The following HIBCH variants were observed in gnomAD, a reference collection of about 807,000 sequenced individuals.
The protein encoded by HIBCH is 3-hydroxyisobutyryl-CoA hydrolase, mitochondrial.
A neutral mutation model predicts 58.2 loss-of-function variants in HIBCH; 50 were observed. That is an observed-to-expected ratio of 0.86 (90% CI 0.68 to 1.09). HIBCH has a LOEUF of 1.09. HIBCH is among the 50% of genes least tolerant of loss of function. The pLI, the probability that HIBCH is intolerant of heterozygous loss-of-function variation, is 0.00. For synonymous variants in HIBCH, 151 were observed against 146.9 expected, an observed-to-expected ratio of 1.03 and a Z score of -0.20; for missense variants, 450 against 449.7, an observed-to-expected ratio of 1.00 and a Z score of -0.01.
rs1690578878 is a variant in HIBCH at position 190,214,161 on chromosome 2, A to G, written c.892-1086T>C. 6.6e-6 allele frequency: 1 copy of G among 152,264 alleles called. No homozygotes were observed. The highest frequency in any genetic ancestry group is 1.5e-5 in the Non-Finnish European group (1 of 68,122). 9.4% of individuals were successfully genotyped at this position (152,264 alleles called of 1,614,324 possible). A position where few individuals can be genotyped will look rare whatever the true frequency, so the allele number is the denominator to read the frequency against. On this transcript the variant is annotated intron_variant, in intron 11 of 13. Transcript: ENST00000359678. This position sits in a 1 kb window ranked among gnomAD's most constrained non-coding sequence, Gnocchi z 5.5. ...CAGACAAACCCAAGTCTTGTTCAGGAGACAGCGGAGGTGACACAAGGAGAA... is the reference window on the plus strand; with the variant it reads ...CAGACAAACCCAAGTCTTGTTCAGGGGACAGCGGAGGTGACACAAGGAGAA...
At chr2:190,259,705 T>C (rs291414) in intron 7 of HIBCH, among the ~76,000 whole-genome samples, 41,969 of 152,144 alleles carry the variant, frequency 0.28, 6,279 homozygotes, top group East Asian at 0.45. Context: ...TTTTATATCC[T>C]ACAGCTTTAC....
intron 11 of HIBCH, among the ~76,000 whole-genome samples, chr2:190,222,709 G>T (rs879856547): frequency 1.3e-5 from 2 of 152,214 alleles, no homozygotes; most frequent in African/African-American, 2.4e-5. Context: ...GGAAGACAGT[G>T]TGGTGATTCT....
rs551827300 is a variant in HIBCH, at chr2:190,259,221, A to T, written c.517+1935T>A. ...TCACTTTGGGTAGTAAGAACATTTT[A>T]AAAATATTCTTCCAATCCATGAACA... On this transcript the variant is annotated intron_variant, in intron 7 of 13. Coordinates refer to ENST00000359678, the MANE Select transcript of HIBCH (RefSeq NM_014362.4). 1.2e-4 allele frequency among the ~76,000 whole-genome samples: 19 copies of T among 152,262 alleles called. No individual in the cohort carries two copies. The East Asian group carries it at 3.1e-3, about 25-fold the overall frequency.
chr2:190,276,339 A>G (rs1443316266), intron 6 of HIBCH, among the ~76,000 whole-genome samples: 1 of 152,190 alleles, frequency 6.6e-6, no homozygotes, highest in African/African-American at 2.4e-5. Context: ...TCAATGGGAA[A>G]TTATTAGGCA....
chr2:190,209,062 A>ACT lies in HIBCH; in HGVS notation c.1012-151_1012-150dup. ...GAGACTGAACCACCTCTGATAGCCC[A>ACT]CTCTCTGATCACCACCTCCTAAATC... is the stretch of plus-strand genomic sequence containing the variant. On this transcript the variant is annotated intron_variant, in intron 12 of 13. Transcript: ENST00000359678. This position sits in a 1 kb window ranked among gnomAD's most constrained non-coding sequence, Gnocchi z 5.6. 1.4e-6 allele frequency: 1 copy of ACT among 715,318 alleles called. No homozygotes were observed. 44.3% of individuals were successfully genotyped at this position (715,318 alleles called of 1,614,324 possible). A position where few individuals can be genotyped will look rare whatever the true frequency, so the allele number is the denominator to read the frequency against.
chr2:190,204,962 A>G lies in HIBCH; in HGVS notation c.*155T>C. On this transcript the variant is annotated 3_prime_UTR_variant, in exon 14 of 14. Transcript: ENST00000359678. Reference sequence around the variant, plus strand: ...AATTCTGATAATTTTCACGTCATGAATTATTAGTCTTTGATTTCTTTTCCC... The same window carrying G: ...AATTCTGATAATTTTCACGTCATGAGTTATTAGTCTTTGATTTCTTTTCCC... 1.5e-6 allele frequency: 1 copy of G among 652,078 alleles called. No individual in the cohort carries two copies. Among genetic ancestry groups the G allele is most frequent in the Non-Finnish European group, 2.8e-6 (1 of 360,956 alleles). The allele number at this position is 652,078 out of a possible 1,614,324, so 40.4% of individuals were successfully genotyped here.
In HIBCH at chr2:190,209,048, A is replaced by C; in HGVS notation, c.1012-135T>G. ...AACCATGACATTCAGAGACTGAACCACCTCTGATAGCCCACTCTCTGATCA... is the reference window on the plus strand; with the variant it reads ...AACCATGACATTCAGAGACTGAACCCCCTCTGATAGCCCACTCTCTGATCA... On this transcript the variant is annotated intron_variant, in intron 12 of 13. Transcript: ENST00000359678. This position sits in a 1 kb window ranked among gnomAD's most constrained non-coding sequence, Gnocchi z 5.6. 1 of 748,440 alleles carries C rather than the reference A, an allele frequency of 1.3e-6. No individual in the cohort carries two copies. The highest frequency in any genetic ancestry group is 1.5e-5 in the South Asian group (1 of 68,186). The allele number at this position is 748,440 out of a possible 1,614,324, so 46.4% of individuals were successfully genotyped here.
chr2:190,276,756 C>G (rs919394353), intron 6 of HIBCH, among the ~76,000 whole-genome samples: 1 of 152,134 alleles, frequency 6.6e-6, no homozygotes, highest in African/African-American at 2.4e-5. Context: ...AATACCCAGC[C>G]TCAGGTATTC....
intron 6 of HIBCH, among the ~76,000 whole-genome samples, chr2:190,266,681 G>A (rs944506993): frequency 1.4e-4 from 22 of 151,998 alleles, no homozygotes; most frequent in Non-Finnish European, 2.8e-4. Context: ...TGACGCGCCC[G>A]CCTCGGCCTC....
chr2:190,292,222 T>C (rs972576586), intron 4 of HIBCH, among the ~76,000 whole-genome samples: 1 of 152,212 alleles, frequency 6.6e-6, no homozygotes, highest in Non-Finnish European at 1.5e-5. Context: ...CCTCAGGTGA[T>C]CTGCCGGCTC....
At chr2:190,191,908 T>G (rs200866994) in intron 1 of HIBCH, among the ~76,000 whole-genome samples, 67 of 150,466 alleles carry the variant, frequency 4.5e-4, no homozygotes, top group East Asian at 9.7e-4. Context: ...ATATTTGCTG[T>G]TTTTTTTTCA....
intron 2 of HIBCH, among the ~76,000 whole-genome samples, chr2:190,309,409 T>C (rs1432789930): frequency 6.6e-6 from 1 of 152,212 alleles, no homozygotes; most frequent in Non-Finnish European, 1.5e-5. Flanking sequence ...TGCAATTTAC[T>C]TGTCAGCCTC....
chr2:190,277,374 T>C (rs1317021060), intron 6 of HIBCH, among the ~76,000 whole-genome samples: 2 of 152,204 alleles, frequency 1.3e-5, no homozygotes, highest in Non-Finnish European at 2.9e-5. Context: ...AAACCTTCTA[T>C]AACAAAAACA....
chr2:190,259,897 G>A (rs767081625), intron 7 of HIBCH, among the ~76,000 whole-genome samples: 1 of 152,120 alleles, frequency 6.6e-6, no homozygotes, highest in Non-Finnish European at 1.5e-5. Context: ...CAGAAATGAT[G>A]AGAGCAGGCA....
chr2:190,234,304 C>T (rs999320143), intron 11 of HIBCH, among the ~76,000 whole-genome samples: 8 of 152,238 alleles, frequency 5.3e-5, no homozygotes, highest in Non-Finnish European at 1.0e-4. Flanking sequence ...TATAGCACTA[C>T]TTCTGGGTAT....
In HIBCH at chr2:190,197,283, T is replaced by G. The variant is rs1690024640; in HGVS notation, c.*18-7286A>C. ...TACTACTGATTCCTAAGGTGTCGCA[T>G]TTCTTGAGTAGTAACTAAATACGAA... is the stretch of plus-strand genomic sequence containing the variant. On this transcript the variant is annotated intron_variant, in intron 1 of 1. Coordinates refer to the HIBCH transcript ENST00000399855. The surrounding 1 kb of genome is among the most constrained non-coding windows in gnomAD (Gnocchi z 4.0). 1.3e-5 allele frequency among the ~76,000 whole-genome samples: 2 copies of G among 152,190 alleles called. No individual in the cohort carries two copies. The highest frequency in any genetic ancestry group is 2.9e-5 in the Non-Finnish European group (2 of 68,032).
chr2:190,308,429 G>C (rs1288520588), intron 2 of HIBCH, among the ~76,000 whole-genome samples: 2 of 152,160 alleles, frequency 1.3e-5, no homozygotes, highest in Non-Finnish European at 2.9e-5. Context: ...GCTTTAAGAG[G>C]TGATTGGGCA....
At chr2:190,213,883 A>T (rs536832370) in intron 11 of HIBCH, 8 of 152,210 alleles carry the variant, frequency 5.3e-5, no homozygotes, top group African/African-American at 1.9e-4. Flanking sequence ...TTGCTTGTTA[A>T]AACTGTGCCG....
At chr2:190,202,993 T>C (rs1690292875), downstream of HIBCH, 1 of 166,896 alleles carries the variant, frequency 6.0e-6, no homozygotes, top group Non-Finnish European at 1.5e-5. Context: ...AAAGCACAAT[T>C]TTGAAGGGGA....
Sources: allele counts gnomAD v4.1 joint callset (sites outside exome capture counted in the v4.1 genomes callset), GRCh38; gene constraint gnomAD v4.1.1; non-coding constraint Gnocchi (gnomAD v3.1); transcripts MANE v1.5; gene names NCBI Gene and HGNC (gene_info 2026-07-23, HGNC 2026-07-21).